The following DMXL1 variants were observed in gnomAD, a reference collection of about 807,000 sequenced individuals.
DMXL1 encodes Dmx like 1.
Under a neutral mutation model 319.2 loss-of-function variants are expected in DMXL1, and 99 were observed. The observed-to-expected ratio is 0.31, with a 90% CI of 0.26 to 0.37. The LOEUF is 0.37. Ranked by LOEUF, DMXL1 falls within the 10% of genes least tolerant of loss-of-function variation. The pLI is 1.00. For synonymous variants in DMXL1, 1,385 were observed against 1,235.2 expected, an observed-to-expected ratio of 1.12 and a Z score of -2.54; for missense variants, 3,745 against 3,595.6, an observed-to-expected ratio of 1.04 and a Z score of -1.06.
chr5:119,141,121 A>G (rs550376927), intron 13 of DMXL1, among the ~76,000 whole-genome samples: 55 of 152,326 alleles, frequency 3.6e-4, no homozygotes, highest in African/African-American at 1.3e-3. Context: ...AATAAGAGCT[A>G]TCTTTGACAG....
At position 119,215,371 on chromosome 5, in the gene DMXL1, G is replaced by T. The variant is rs538794951; in HGVS notation, c.7927-1530G>T. ...TGCCTGGGCTGGAGTACAATGGCTC[G>T]ATCTTGGCTTACTGCAGTCTCTGCC... On this transcript the variant is annotated intron_variant, in intron 34 of 43. Coordinates refer to ENST00000539542, the MANE Select transcript of DMXL1 (RefSeq NM_001290321.3). Among the ~76,000 whole-genome samples the T allele has an allele frequency of 3.9e-5, 6 of 152,006 alleles. No homozygotes were observed. In the South Asian group the frequency reaches 1.0e-3, roughly 26 times the overall value.
At chr5:119,218,623 A>C (rs529199753) in intron 35 of DMXL1, among the ~76,000 whole-genome samples, 2 of 151,790 alleles carry the variant, frequency 1.3e-5, no homozygotes, top group African/African-American at 2.4e-5. Flanking sequence ...CACCCAGCTA[A>C]TTTTTGTATT....
Position 119,193,900 on chromosome 5 carries a change from A to G in DMXL1, c.7387A>G (p.Asn2463Asp), listed in dbSNP as rs150940354. Residue 2463 changes from asparagine to aspartate, a missense_variant, in exon 30 of 44, where the codon AAT becomes GAT. By Grantham distance (23) the Asn-to-Asp change is conservative. This residue lies in a region of DMXL1 where 1,382 missense variants were observed against 1,269.5 expected (regional missense o/e 1.09). Coordinates refer to ENST00000539542, the MANE Select transcript of DMXL1 (RefSeq NM_001290321.3). ...EESLGSDDDD[N>D]DDDDDVLASD... ...GAGTCTGGGAAGTGATGATGATGAC[A>G]ATGATGATGATGATGATGTTTTAGC... 5.6e-5 allele frequency: 90 copies of G among 1,607,118 alleles called. No individual in the cohort carries two copies. In the African/African-American group the frequency reaches 7.5e-4, roughly 13 times the overall value.
intron 28 of DMXL1, among the ~76,000 whole-genome samples, chr5:119,185,887 T>C (rs1234306320): frequency 6.6e-6 from 1 of 152,198 alleles, no homozygotes; most frequent in Non-Finnish European, 1.5e-5. Flanking sequence ...CCTTTTATTT[T>C]TGGAATATTT....
intron 38 of DMXL1, among the ~76,000 whole-genome samples, chr5:119,229,256 A>G (rs1786201006): frequency 6.6e-6 from 1 of 152,126 alleles, no homozygotes; most frequent in Non-Finnish European, 1.5e-5. Flanking sequence ...TAGGTAATCA[A>G]AGACCTAAAA....
chr5:119,105,390 TG>T, intron 4 of DMXL1, 132 bp downstream of exon 4: 1 of 663,390 alleles, frequency 1.5e-6, no homozygotes, highest in Non-Finnish European at 2.7e-6. Flanking sequence ...AAATGGATTA[TG>T]CCCTTTTAGA....
intron 22 of DMXL1, among the ~76,000 whole-genome samples, 162 bp downstream of exon 22, chr5:119,166,943 C>G (rs965414078): frequency 6.6e-6 from 1 of 152,096 alleles, no homozygotes; most frequent in African/African-American, 2.4e-5. Flanking sequence ...AAAATTTTGA[C>G]TGTTAACTTG....
In DMXL1 at chr5:119,203,417, A is replaced by T; in HGVS notation, c.7844A>T (p.Lys2615Met). 1 of 1,599,820 alleles carries T rather than the reference A, an allele frequency of 6.3e-7. No homozygotes were observed. Among genetic ancestry groups the T allele is most frequent in the Non-Finnish European group, 8.5e-7 (1 of 1,173,300 alleles). The change falls in exon 33 of 44, where the codon AAG becomes ATG. Residue 2615 changes from lysine (K) to methionine (M), a missense_variant. Around this residue, in one of 4 missense-constraint regions of DMXL1, gnomAD observed 1,382 missense variants for 1,269.5 expected, o/e 1.09. Coordinates refer to ENST00000539542, the MANE Select transcript of DMXL1 (RefSeq NM_001290321.3). ...ACCTTTATCAAAAATATATTCACAA[A>T]GAAACGGTGTCTAAATGAGGTCTGT... ...QETFIKNIFT[K>M]KRCLNESLED...
intron 1 of DMXL1, among the ~76,000 whole-genome samples, chr5:119,072,347 A>C (rs1749795578): frequency 6.6e-6 from 1 of 151,910 alleles, no homozygotes; most frequent in Non-Finnish European, 1.5e-5. Context: ...GCATTTTTCT[A>C]CCTTAACTAT....
chr5:119,089,918 A>AC (rs1452011688), intron 1 of DMXL1, among the ~76,000 whole-genome samples: 1 of 143,412 alleles, frequency 7.0e-6, no homozygotes, highest in African/African-American at 2.6e-5. Context: ...GAGCCACTGC[A>AC]CCCAGCTTTT....
chr5:119,133,110 T>C, intron 10 of DMXL1, 22 bp from the exon 11 acceptor site: 2 of 1,612,288 alleles, frequency 1.2e-6, no homozygotes, highest in East Asian at 2.2e-5. Flanking sequence ...TTTACTTGGT[T>C]CATGAACTCT....
chr5:119,173,599 G>C (rs368074734), intron 25 of DMXL1, among the ~76,000 whole-genome samples: 1 of 150,364 alleles, frequency 6.7e-6, no homozygotes, highest in South Asian at 2.1e-4. Flanking sequence ...TGGGTCATAT[G>C]TATCTCATCC....
At chr5:119,239,794 A>G (rs1788420799) in intron 41 of DMXL1, among the ~76,000 whole-genome samples, 5 of 151,816 alleles carry the variant, frequency 3.3e-5, no homozygotes, top group Admixed American at 1.3e-4. Context: ...TATCTCTACT[A>G]AAAATACAAA....
intron 1 of DMXL1, among the ~76,000 whole-genome samples, chr5:119,078,190 G>A (rs984834293): frequency 4.6e-5 from 7 of 152,002 alleles, no homozygotes; most frequent in Admixed American, 1.3e-4. Flanking sequence ...GTGTTGCCAG[G>A]GCTAGTCTGG....
intron 1 of DMXL1, among the ~76,000 whole-genome samples, chr5:119,082,020 T>TACAC (rs565047535): frequency 0.028 from 3,045 of 108,024 alleles, 63 homozygotes; most frequent in Non-Finnish European, 0.038. Flanking sequence ...TATATATATA[T>TACAC]ACACACACAC....
At chr5:119,165,788 C>T (rs1773310415) in intron 21 of DMXL1, among the ~76,000 whole-genome samples, 1 of 152,202 alleles carries the variant, frequency 6.6e-6, no homozygotes, top group Non-Finnish European at 1.5e-5. Flanking sequence ...TATTCACTAT[C>T]ACAAGAATAG....
At chr5:119,208,032 T>C (rs1782057915) in intron 34 of DMXL1, among the ~76,000 whole-genome samples, 1 of 152,168 alleles carries the variant, frequency 6.6e-6, no homozygotes, top group African/African-American at 2.4e-5. Context: ...TGATTTGATA[T>C]CAGGTGTATA....
Position 119,133,307 on chromosome 5 carries a change from T to C in DMXL1, c.1491T>C (p.His497=). The C allele has an allele frequency of 6.2e-7, 1 of 1,614,140 alleles. No homozygotes were observed. ...SKNADMLFSI[H]PMDGSLLVWH... is the part of the protein sequence containing the mutation. ...ATGCAGATATGCTATTTAGTATTCATCCCATGGATGGTTCTTTGCTAGTTT... is the reference window on the plus strand; with the variant it reads ...ATGCAGATATGCTATTTAGTATTCACCCCATGGATGGTTCTTTGCTAGTTT... Residue 497 remains histidine (H), a synonymous_variant, in exon 11 of 44, where the codon CAT becomes CAC. Transcript: ENST00000539542.
chr5:119,076,808 C>T (rs895281266), intron 1 of DMXL1, among the ~76,000 whole-genome samples: 48 of 152,118 alleles, frequency 3.2e-4, no homozygotes, highest in African/African-American at 1.2e-3. Flanking sequence ...TGAGAAGATT[C>T]TCTGCCAAAA....
Sources: gnomAD v4.1 joint callset for allele counts (sites outside exome capture counted in the v4.1 genomes callset) on GRCh38, gnomAD v4.1.1 for gene constraint, gnomAD v4.1.1 regional missense constraint, MANE v1.5 for transcripts, NCBI Gene and HGNC (gene_info 2026-07-23, HGNC 2026-07-21) for gene names.